ZFHX4: variants seen among roughly 807,000 people sequenced by gnomAD.
The protein encoded by ZFHX4 is zinc finger homeobox protein 4.
A neutral mutation model predicts 267.6 loss-of-function variants in ZFHX4; 56 were observed. The observed-to-expected ratio is 0.21, with a 90% CI of 0.17 to 0.26. The LOEUF (loss-of-function observed/expected upper bound fraction) is 0.26. Ranked by LOEUF, ZFHX4 falls within the 10% of genes least tolerant of loss-of-function variation. The probability of loss-of-function intolerance (pLI) is 1.00; values close to 1 mark genes in which losing one functional copy is unlikely to be tolerated. For synonymous variants in ZFHX4, 1,778 were observed against 1,665.6 expected (o/e 1.07, Z -1.64); for missense variants, 4,332 against 4,420.0 (o/e 0.98, Z 0.56).
At position 76,853,907 on chromosome 8, in the gene ZFHX4, C is replaced by T. The variant is rs199766653; in HGVS notation, c.6986C>T (p.Thr2329Met). The T allele has an allele frequency of 1.5e-4, 241 of 1,613,764 alleles. No homozygotes were observed. The highest frequency in any genetic ancestry group is 1.0e-4 in the Admixed American group (6 of 59,988). Residue 2329 changes from threonine (T) to methionine (M), a missense_variant, in exon 10 of 11, where the codon ACG (threonine) becomes ATG (methionine). Physicochemically the swap from Thr to Met is moderately conservative, Grantham distance 81 (BLOSUM62 -1). Coordinates refer to ENST00000651372, the MANE Select transcript of ZFHX4 (RefSeq NM_024721.5). Reference sequence around the variant, plus strand: ...TTCCCCAGGATCTTTGACTTGATTACGCATCAGAAAAAGCAGTGTTACAAG... The same window carrying T: ...TTCCCCAGGATCTTTGACTTGATTATGCATCAGAAAAAGCAGTGTTACAAG... ...VVFPRIFDLI[T>M]HQKKQCYKDE...
At chr8:76,857,715 G>T (rs1017251722) in intron 10 of ZFHX4, among the ~76,000 whole-genome samples, 6 of 151,964 alleles carry the variant, frequency 3.9e-5, no homozygotes, top group Non-Finnish European at 7.4e-5. Context: ...TCACCCCAAA[G>T]GTACTTTGGG....
At chr8:76,859,120 T>G (rs1420638590) in intron 10 of ZFHX4, among the ~76,000 whole-genome samples, 1 of 152,236 alleles carries the variant, frequency 6.6e-6, no homozygotes, top group African/African-American at 2.4e-5. Flanking sequence ...ATACACTTTA[T>G]TTTATTTTGG....
At chr8:76,682,464 G>GCGGGC (rs1259823865) in intron 1 of ZFHX4, 5 of 152,152 alleles carry the variant, frequency 3.3e-5, no homozygotes, top group African/African-American at 1.2e-4. Flanking sequence ...CACTACCGAG[G>GCGGGC]GCTGCTCTCG....
intron 4 of ZFHX4, among the ~76,000 whole-genome samples, chr8:76,779,825 T>G (rs994947908): frequency 6.6e-6 from 1 of 152,190 alleles, no homozygotes; most frequent in African/African-American, 2.4e-5. Flanking sequence ...ATATTTCATA[T>G]GTGCGTTTTA....
At position 76,705,100 on chromosome 8, in the gene ZFHX4, C is replaced by A. The variant is rs1006955039; in HGVS notation, c.1012C>A (p.Pro338Thr). 3 of 1,613,390 alleles carry A rather than the reference C, an allele frequency of 1.9e-6. No homozygotes were observed. ...DKEPLISFLE[P>T]KKSTSVYPHF... The stretch of plus-strand genomic sequence containing the variant: ...AGAACCTCTTATAAGCTTTCTGGAA[C>A]CAAAAAAATCCACTTCTGTTTATCC... Residue 338 changes from proline (P) to threonine (T), a missense_variant, in exon 2 of 11, where the codon CCA (proline) becomes ACA (threonine). By Grantham distance (38) the Pro-to-Thr change is conservative. Around this residue, in one of 7 missense-constraint regions of ZFHX4, gnomAD observed 1,195 missense variants for 1,173.6 expected, o/e 1.02. Coordinates refer to ENST00000651372, the MANE Select transcript of ZFHX4 (RefSeq NM_024721.5).
intron 3 of ZFHX4, among the ~76,000 whole-genome samples, chr8:76,769,566 G>A (rs959651141): frequency 1.4e-4 from 22 of 152,076 alleles, no homozygotes; most frequent in African/African-American, 5.3e-4. Context: ...AGCCCAGGCT[G>A]GTCTTGAATT....
In ZFHX4 at chr8:76,705,871, C is replaced by A. The variant is rs1394274807; in HGVS notation, c.1783C>A (p.Pro595Thr). 1 of 1,613,758 alleles carries A rather than the reference C, an allele frequency of 6.2e-7. No individual in the cohort carries two copies. The highest frequency in any genetic ancestry group is 1.7e-5 in the Admixed American group (1 of 59,996). The change falls in exon 2 of 11, where the codon CCG becomes ACG. Residue 595 changes from proline (P) to threonine (T), a missense_variant. This residue lies in a region of ZFHX4 where 1,195 missense variants were observed against 1,173.6 expected (regional missense o/e 1.02). Transcript: ENST00000651372. ...CACTCCTCACCAGCATGGCTTTACC[C>A]CGAGTACTCCTGGCACACCAGGGCC... ...SATPHQHGFT[P>T]STPGTPGPGG...
At position 76,686,782 on chromosome 8, in the gene ZFHX4, C is replaced by T. The variant is rs191835816; in HGVS notation, c.-47+5162C>T. ...TGAGTCTTTAAAGACTAATCCATCT[C>T]CCTCTCTTCATTTTCCTTATCCCTG... On this transcript the variant is annotated intron_variant, in intron 1 of 10. Transcript: ENST00000651372. Among the ~76,000 whole-genome samples the T allele has an allele frequency of 8.4e-3, 1,280 of 152,306 alleles. 16 individuals are homozygous for T. The highest frequency in any genetic ancestry group is 0.011 in the Non-Finnish European group (745 of 68,014).
intron 3 of ZFHX4, among the ~76,000 whole-genome samples, chr8:76,715,628 T>C (rs1427500141): frequency 6.6e-6 from 1 of 151,932 alleles, no homozygotes; most frequent in African/African-American, 2.4e-5. Flanking sequence ...TCAATGAAAG[T>C]ACTGCTTAAA....
At chr8:76,766,691 G>C (rs1334674724) in intron 3 of ZFHX4, among the ~76,000 whole-genome samples, 1 of 151,822 alleles carries the variant, frequency 6.6e-6, no homozygotes, top group Non-Finnish European at 1.5e-5. Flanking sequence ...TTTACATAGA[G>C]TGGAGGCTAG....
intron 3 of ZFHX4, among the ~76,000 whole-genome samples, chr8:76,715,928 T>A (rs887467642): frequency 1.5e-4 from 23 of 152,146 alleles, no homozygotes; most frequent in Non-Finnish European, 1.5e-5. Context: ...GGGGTTAGTG[T>A]TAGGACTATA....
intron 1 of ZFHX4, among the ~76,000 whole-genome samples, chr8:76,694,669 C>T (rs1266566400): frequency 2.5e-5 from 3 of 121,608 alleles, no homozygotes; most frequent in African/African-American, 9.1e-5. Context: ...GCACCCGCCC[C>T]CCACCCTCCG....
chr8:76,778,506 C>T lies in ZFHX4; in HGVS notation c.3325+67C>T, dbSNP rs986078405. The T allele has an allele frequency of 5.0e-5, 61 of 1,225,556 alleles. No individual in the cohort carries two copies. In the African/African-American group the frequency reaches 7.4e-4, roughly 15 times the overall value. 75.9% of individuals were successfully genotyped at this position (1,225,556 alleles called of 1,614,324 possible). A position where few individuals can be genotyped will look rare whatever the true frequency, so the allele number is the denominator to read the frequency against. ...CACCACTTCATCACACACACACACA[C>T]ACAAACACACACACACACGCCTCAA... is the stretch of plus-strand genomic sequence containing the variant. On this transcript the variant is annotated intron_variant, in intron 4 of 10. Coordinates refer to ENST00000651372, the MANE Select transcript of ZFHX4 (RefSeq NM_024721.5).
chr8:76,701,685 G>A (rs1020148093), intron 1 of ZFHX4, among the ~76,000 whole-genome samples: 14 of 152,134 alleles, frequency 9.2e-5, no homozygotes, highest in African/African-American at 3.1e-4. Context: ...TGTGGGATGA[G>A]AACTGTTTTA....
At chr8:76,681,762 T>G (rs1168952001) in intron 1 of ZFHX4, 142 bp downstream of exon 1, 1 of 303,662 alleles carries the variant, frequency 3.3e-6, no homozygotes. Flanking sequence ...TCTCTACCCC[T>G]ACCTCGCTCG....
At chr8:76,841,415 A>G (rs1042236830) in intron 5 of ZFHX4, among the ~76,000 whole-genome samples, 4 of 152,134 alleles carry the variant, frequency 2.6e-5, no homozygotes, top group African/African-American at 9.7e-5. Flanking sequence ...TCCCCTTTCA[A>G]TCACTATAGC....
intron 1 of ZFHX4, among the ~76,000 whole-genome samples, chr8:76,688,277 A>G (rs1014298079): frequency 6.6e-6 from 1 of 152,134 alleles, no homozygotes; most frequent in Non-Finnish European, 1.5e-5. Flanking sequence ...TTTTTTCCCC[A>G]TAGGCTATAA....
intron 3 of ZFHX4, among the ~76,000 whole-genome samples, chr8:76,750,607 T>C (rs1192334570): frequency 6.6e-6 from 1 of 152,180 alleles, no homozygotes; most frequent in Non-Finnish European, 1.5e-5. Flanking sequence ...AAACTGCGTC[T>C]TTGTGATATT....
rs1372085163 is a variant in ZFHX4, at chr8:76,855,597, G to A, written c.8676G>A (p.Pro2892=). 4.3e-6 allele frequency: 7 copies of A among 1,613,700 alleles called. No homozygotes were observed. Among genetic ancestry groups the A allele is most frequent in the East Asian group, 2.2e-5 (1 of 44,842 alleles). ...HDQSFYITDD[P]DDNADRSETS... is the part of the protein sequence containing the mutation. ...AAAGCTTTTACATCACAGATGACCC[G>A]GATGACAACGCCGACCGCAGCGAAA... The change falls in exon 10 of 11, where the codon CCG becomes CCA. Residue 2892 remains proline, a synonymous_variant. Transcript: ENST00000651372.
Sources: allele counts gnomAD v4.1 joint callset (sites outside exome capture counted in the v4.1 genomes callset), GRCh38; gene constraint gnomAD v4.1.1; regional missense constraint gnomAD v4.1.1; transcripts MANE v1.5; gene names NCBI Gene and HGNC (gene_info 2026-07-23, HGNC 2026-07-21).